Variants in C11orf98 observed in about 807,000 individuals in gnomAD.
C11orf98 encodes 28S rRNA/ribosome and sororin micro-cofactor.
In C11orf98, 7 loss-of-function variants were observed where a neutral mutation model predicts 10.9. The ratio of observed to expected loss-of-function variants is 0.64; its 90% CI spans 0.37 to 1.21. C11orf98 has a LOEUF of 1.21. C11orf98 is among the 50% of genes most tolerant of loss of function. The pLI, the probability that C11orf98 is intolerant of heterozygous loss-of-function variation, is 0.02. For synonymous variants in C11orf98, 70 were observed against 57.2 expected, an observed-to-expected ratio of 1.22 and a Z score of -1.01; for missense variants, 181 against 153.7, an observed-to-expected ratio of 1.18 and a Z score of -0.94.
Position 62,662,961 on chromosome 11 carries a change from A to T in C11orf98, c.*89T>A. ...TAGGTAGGAGGAAATCTGGAGAGTGAAAAGGGGCCTTGCTTTTGTCAAAGT... is the reference window on the plus strand; with the variant it reads ...TAGGTAGGAGGAAATCTGGAGAGTGTAAAGGGGCCTTGCTTTTGTCAAAGT... On this transcript the variant is annotated 3_prime_UTR_variant, in exon 4 of 4. Transcript: ENST00000524958. 2.0e-6 allele frequency: 2 copies of T among 1,025,230 alleles called. No individual in the cohort carries two copies. Among genetic ancestry groups the T allele is most frequent in the South Asian group, 1.6e-5 (1 of 63,154 alleles). The allele number at this position is 1,025,230 out of a possible 1,614,324, so 63.5% of individuals were successfully genotyped here.
Position 62,662,992 on chromosome 11 carries a change from G to A in C11orf98, c.*58C>T, listed in dbSNP as rs1025104336. 14 of 1,372,618 alleles carry A rather than the reference G, an allele frequency of 1.0e-5. No individual in the cohort carries two copies. The highest frequency in any genetic ancestry group is 1.4e-5 in the Non-Finnish European group (14 of 988,230). 85.0% of individuals were successfully genotyped at this position (1,372,618 alleles called of 1,614,324 possible). A position where few individuals can be genotyped will look rare whatever the true frequency, so the allele number is the denominator to read the frequency against. On this transcript the variant is annotated 3_prime_UTR_variant, in exon 4 of 4. Coordinates refer to ENST00000524958, the MANE Select transcript of C11orf98 (RefSeq NM_001286086.2). ...GGCCTTGCTTTTGTCAAAGTCCTCT[G>A]AAACAACCACTGAGTCTGAAGGCTG...
In C11orf98 at chr11:62,663,070, C is replaced by T; in HGVS notation, c.352G>A (p.Asp118Asn). ...GAGGTTTAGCTCTCATCTTCAAGGTCCTTCATTTCTACATCCTGGGGGGCT... is the reference window on the plus strand; with the variant it reads ...GAGGTTTAGCTCTCATCTTCAAGGTTCTTCATTTCTACATCCTGGGGGGCT... ...TKAPQDVEMK[D>N]LEDES The change falls in exon 4 of 4, where the codon GAC (aspartate) becomes AAC (asparagine). Residue 118 changes from aspartate (D) to asparagine (N), a missense_variant. Coordinates refer to ENST00000524958, the MANE Select transcript of C11orf98 (RefSeq NM_001286086.2). The T allele has an allele frequency of 6.2e-7, 1 of 1,601,036 alleles. No individual in the cohort carries two copies. Among genetic ancestry groups the T allele is most frequent in the South Asian group, 1.1e-5 (1 of 90,720 alleles).
At chr11:62,663,565 G>A (rs989185818) in intron 2 of C11orf98, among the ~76,000 whole-genome samples, 1 of 151,922 alleles carries the variant, frequency 6.6e-6, no homozygotes, top group African/African-American at 2.4e-5. Flanking sequence ...GCAGTGGCGG[G>A]CGCCTGTAGT....
Position 62,665,156 on chromosome 11 carries a change from C to T in C11orf98, c.14G>A (p.Gly5Glu), listed in dbSNP as rs1414160074. The change falls in exon 1 of 4, where the codon GGG becomes GAG. Residue 5 changes from glycine (G) to glutamate (E), a missense_variant. Coordinates refer to ENST00000524958, the MANE Select transcript of C11orf98 (RefSeq NM_001286086.2). The stretch of plus-strand genomic sequence containing the variant: ...CGTTCGGGGCCGGTTGATCTTTCCC[C>T]CCGGAGCTCCCATAGTCGCGATTCC... MGAP[G>E]GKINRPRTEL... is the part of the protein sequence containing the mutation. 2 of 917,008 alleles carry T rather than the reference C, an allele frequency of 2.2e-6. No homozygotes were observed. Among genetic ancestry groups the T allele is most frequent in the South Asian group, 1.4e-5 (1 of 71,572 alleles). 56.8% of individuals were successfully genotyped at this position (917,008 alleles called of 1,614,324 possible).
At position 62,663,339 on chromosome 11, in the gene C11orf98, G is replaced by A. The variant is rs759602549; in HGVS notation, c.165-6C>T. 6.2e-7 allele frequency: 1 copy of A among 1,612,608 alleles called. No homozygotes were observed. The highest frequency in any genetic ancestry group is 1.1e-5 in the South Asian group (1 of 91,004). On this transcript the variant is annotated splice_polypyrimidine_tract_variant and splice_region_variant and intron_variant, in intron 2 of 3. Coordinates refer to ENST00000524958, the MANE Select transcript of C11orf98 (RefSeq NM_001286086.2). The stretch of plus-strand genomic sequence containing the variant: ...TGTTGGCACGTGCACTGGACCTGAT[G>A]GGTAAGTGGAAATAAAGAGAGCTAG...
rs1414160074 is a variant in C11orf98 at position 62,665,156 on chromosome 11, C to G, written c.14G>C (p.Gly5Ala). The G allele has an allele frequency of 2.2e-6, 2 of 916,890 alleles. No homozygotes were observed. The highest frequency in any genetic ancestry group is 1.6e-5 in the African/African-American group (1 of 61,152). 56.8% of individuals were successfully genotyped at this position (916,890 alleles called of 1,614,324 possible). The stretch of plus-strand genomic sequence containing the variant: ...CGTTCGGGGCCGGTTGATCTTTCCC[C>G]CCGGAGCTCCCATAGTCGCGATTCC... Reference protein sequence around the residue: MGAPGGKINRPRTEL... With the variant: MGAPAGKINRPRTEL... The change falls in exon 1 of 4, where the codon GGG becomes GCG. Residue 5 changes from glycine (G) to alanine (A), a missense_variant. Coordinates refer to ENST00000524958, the MANE Select transcript of C11orf98 (RefSeq NM_001286086.2).
intron 2 of C11orf98, 129 bp downstream of exon 2, chr11:62,664,720 G>T: frequency 1.6e-6 from 2 of 1,243,226 alleles, no homozygotes; most frequent in Non-Finnish European, 2.2e-6. Flanking sequence ...GGAACTAACA[G>T]CCGACAGACA....
At chr11:62,665,084 G>T in intron 1 of C11orf98, 47 bp downstream of exon 1, 1 of 1,472,052 alleles carries the variant, frequency 6.8e-7, no homozygotes, top group South Asian at 1.2e-5. Context: ...AGATAAAAGG[G>T]CTCAGGAACG....
chr11:62,664,084 A>G (rs1944726443), intron 2 of C11orf98, among the ~76,000 whole-genome samples: 1 of 78,444 alleles, frequency 1.3e-5, no homozygotes, highest in Non-Finnish European at 3.2e-5. Flanking sequence ...AAAAAGAGGA[A>G]AAAAAAAAAA....
Position 62,665,161 on chromosome 11 carries a change from A to G in C11orf98, c.9T>C (p.Ala3=). 1 of 903,348 alleles carries G rather than the reference A, an allele frequency of 1.1e-6. No individual in the cohort carries two copies. The highest frequency in any genetic ancestry group is 1.4e-5 in the South Asian group (1 of 71,374). 56.0% of individuals were successfully genotyped at this position (903,348 alleles called of 1,614,324 possible). A position where few individuals can be genotyped will look rare whatever the true frequency, so the allele number is the denominator to read the frequency against. The stretch of plus-strand genomic sequence containing the variant: ...GGGGCCGGTTGATCTTTCCCCCCGG[A>G]GCTCCCATAGTCGCGATTCCACTCC... The part of the protein sequence containing the change: MG[A]PGGKINRPRT... Residue 3 remains alanine, a synonymous_variant, in exon 1 of 4, where the codon GCT becomes GCC. Transcript: ENST00000524958.
rs1195157269 is a variant in C11orf98, at chr11:62,664,842, T to G, written c.164+7A>C. 1 of 1,561,542 alleles carries G rather than the reference T, an allele frequency of 6.4e-7. No homozygotes were observed. Among genetic ancestry groups the G allele is most frequent in the Non-Finnish European group, 8.7e-7 (1 of 1,152,702 alleles). ...GACGACCAACAGGAAGAGGGTCTAG[T>G]ACTTACGCCCGCTTCTTGAGGTGGT... is the stretch of plus-strand genomic sequence containing the variant. On this transcript the variant is annotated splice_region_variant and intron_variant, in intron 2 of 3. Transcript: ENST00000524958.
At chr11:62,664,684 G>A (rs1944746210) in intron 2 of C11orf98, among the ~76,000 whole-genome samples, 165 bp downstream of exon 2, 1 of 152,104 alleles carries the variant, frequency 6.6e-6, no homozygotes, top group Non-Finnish European at 1.5e-5. Context: ...TCTGCTACAG[G>A]TATTGTGAGA....
In C11orf98 at chr11:62,663,129, C is replaced by G. The variant is rs1332473135; in HGVS notation, c.293G>C (p.Ser98Thr). ...CTTTTGCCTTTTGAGCTGTGGTTCA[C>G]TAGTCCTGGCTGGCTTTGAAGGGGC... is the stretch of plus-strand genomic sequence containing the variant. ...VEAPSKPART[S>T]EPQLKRQKKT... Residue 98 changes from serine to threonine, a missense_variant, in exon 4 of 4, where the codon AGT becomes ACT. By Grantham distance (58) the Ser-to-Thr change is moderately conservative. Transcript: ENST00000524958. 1.2e-6 allele frequency: 2 copies of G among 1,614,010 alleles called. No individual in the cohort carries two copies. The highest frequency in any genetic ancestry group is 1.7e-6 in the Non-Finnish European group (2 of 1,179,994).
Position 62,663,039 on chromosome 11 carries a change from G to A in C11orf98, c.*11C>T. The A allele has an allele frequency of 2.6e-6, 4 of 1,552,090 alleles. No individual in the cohort carries two copies. The highest frequency in any genetic ancestry group is 3.5e-6 in the Non-Finnish European group (4 of 1,129,530). On this transcript the variant is annotated 3_prime_UTR_variant, in exon 4 of 4. Coordinates refer to ENST00000524958, the MANE Select transcript of C11orf98 (RefSeq NM_001286086.2). Reference sequence around the variant, plus strand: ...GCTGGCTCCAGTTGAGAATCTTCTAGTGGAAGAGGTTTAGCTCTCATCTTC... The same window carrying A: ...GCTGGCTCCAGTTGAGAATCTTCTAATGGAAGAGGTTTAGCTCTCATCTTC...
Position 62,663,330 on chromosome 11 carries a change from G to A in C11orf98, c.168C>T (p.Ser56=). The A allele has an allele frequency of 3.7e-6, 6 of 1,613,528 alleles. No homozygotes were observed. The highest frequency in any genetic ancestry group is 5.1e-6 in the Non-Finnish European group (6 of 1,179,674). Reference sequence around the variant, plus strand: ...ACAGTGTAATGTTGGCACGTGCACTGGACCTGATGGGTAAGTGGAAATAAA... The same window carrying A: ...ACAGTGTAATGTTGGCACGTGCACTAGACCTGATGGGTAAGTGGAAATAAA... ...ITRHHLKKRA[S]SARANITLSG... is the part of the protein sequence containing the mutation. Residue 56 remains serine, a synonymous_variant, in exon 3 of 4, where the codon TCC becomes TCT. Coordinates refer to ENST00000524958, the MANE Select transcript of C11orf98 (RefSeq NM_001286086.2).
intron 2 of C11orf98, among the ~76,000 whole-genome samples, chr11:62,664,082 GAAAAAAAAAAAAA>G (rs71056540): frequency 1.5e-5 from 1 of 65,944 alleles, no homozygotes; most frequent in African/African-American, 6.1e-5. Flanking sequence ...CAAAAAAGAG[GAAAAAAAAAAAAA>G]AAAAAAAAAA....
At chr11:62,664,323 ATTCTT>A (rs1239283013) in intron 2 of C11orf98, among the ~76,000 whole-genome samples, 476 of 124,044 alleles carry the variant, frequency 3.8e-3, no homozygotes, top group African/African-American at 0.014. Context: ...ATTTCCTGAT[ATTCTT>A]TTTTTTTTTT....
rs1461146130 is a variant in C11orf98, at chr11:62,663,259, T to C, written c.239A>G (p.Gln80Arg). 9 of 1,614,092 alleles carry C rather than the reference T, an allele frequency of 5.6e-6. No individual in the cohort carries two copies. The highest frequency in any genetic ancestry group is 2.5e-6 in the Non-Finnish European group (3 of 1,180,040). The change falls in exon 3 of 4, where the codon CAG becomes CGG. Residue 80 changes from glutamine (Q) to arginine (R), a missense_variant. Coordinates refer to ENST00000524958, the MANE Select transcript of C11orf98 (RefSeq NM_001286086.2). Reference protein sequence around the residue: ...RKLLQQIRLAQKEKTAMEVEA... With the variant: ...RKLLQQIRLARKEKTAMEVEA... ...ACCTTCCATGGCTGTCTTCTCTTTC[T>C]GGGCAAGCCGGATCTGCTGGAGGAG...
rs185145586 is a variant in C11orf98 at position 62,664,568 on chromosome 11, T to A, written c.164+281A>T. ...CTGGTCTCGAACTCCCGACCTCAGGTGATCCGCCCACCTCAGCCCCCCAAA... is the reference window on the plus strand; with the variant it reads ...CTGGTCTCGAACTCCCGACCTCAGGAGATCCGCCCACCTCAGCCCCCCAAA... On this transcript the variant is annotated intron_variant, in intron 2 of 3. Coordinates refer to ENST00000524958, the MANE Select transcript of C11orf98 (RefSeq NM_001286086.2). 8.5e-5 allele frequency among the ~76,000 whole-genome samples: 13 copies of A among 152,214 alleles called. No individual in the cohort carries two copies. In the East Asian group the frequency reaches 2.5e-3, roughly 29 times the overall value.
Sources: gnomAD v4.1 joint callset for allele counts (sites outside exome capture counted in the v4.1 genomes callset) on GRCh38, gnomAD v4.1.1 for gene constraint, MANE v1.5 for transcripts, NCBI Gene and HGNC (gene_info 2026-07-23, HGNC 2026-07-21) for gene names.